Variants in PDE9A observed in about 807,000 individuals in gnomAD.
The protein encoded by PDE9A is high affinity cGMP-specific 3',5'-cyclic phosphodiesterase 9A.
In PDE9A, 60 loss-of-function variants were observed where a neutral mutation model predicts 87.4. That is an observed-to-expected ratio of 0.69 (90% CI 0.56 to 0.85). The LOEUF is 0.85. Ranked by LOEUF, PDE9A falls within the 40% of genes least tolerant of loss-of-function variation. The probability of loss-of-function intolerance (pLI) is 0.00; values close to 1 mark genes in which losing one functional copy is unlikely to be tolerated. For synonymous variants in PDE9A, 272 were observed against 279.4 expected, an observed-to-expected ratio of 0.97 and a Z score of 0.27; for missense variants, 665 against 779.0, an observed-to-expected ratio of 0.85 and a Z score of 1.74.
At chr21:42,742,118 G>C (rs1362999056) in intron 7 of PDE9A, among the ~76,000 whole-genome samples, 2 of 152,122 alleles carry the variant, frequency 1.3e-5, no homozygotes, top group South Asian at 4.1e-4. Flanking sequence ...ACGCTCGCTC[G>C]GAGGCATAAG....
intron 3 of PDE9A, among the ~76,000 whole-genome samples, chr21:42,698,426 C>T (rs551700185): frequency 3.3e-5 from 5 of 152,274 alleles, no homozygotes; most frequent in South Asian, 2.1e-4. Flanking sequence ...CGTGTGTCAG[C>T]GACAGAAACG....
intron 2 of PDE9A, among the ~76,000 whole-genome samples, chr21:42,687,701 C>T (rs978325680): frequency 5.9e-5 from 9 of 152,210 alleles, no homozygotes; most frequent in Non-Finnish European, 8.8e-5. Flanking sequence ...AGCATCTACA[C>T]GCACTTAGGA....
At chr21:42,753,194 C>G (rs796983997) in intron 9 of PDE9A, among the ~76,000 whole-genome samples, 1 of 151,988 alleles carries the variant, frequency 6.6e-6, no homozygotes, top group African/African-American at 2.4e-5. Flanking sequence ...TTTGTAGAGT[C>G]GGGATTCCAC....
At chr21:42,762,025 C>A (rs2269168) in intron 13 of PDE9A, 58 bp from the exon 14 acceptor site, 6 of 1,540,820 alleles carry the variant, frequency 3.9e-6, no homozygotes, top group South Asian at 2.4e-5. Context: ...GTTGCTCCCC[C>A]GTGCAGGTAC....
chr21:42,706,340 A>G (rs2048831488), intron 4 of PDE9A, among the ~76,000 whole-genome samples: 2 of 152,334 alleles, frequency 1.3e-5, no homozygotes, highest in Admixed American at 6.5e-5. Context: ...CATAAAGCCC[A>G]CCATTTTAAA....
intron 1 of PDE9A, among the ~76,000 whole-genome samples, chr21:42,681,428 G>A (rs2059158016): frequency 6.6e-6 from 1 of 152,230 alleles, no homozygotes; most frequent in Non-Finnish European, 1.5e-5. Flanking sequence ...TTCTGGCTGG[G>A]TGCGTGGGAG....
rs891491616 is a variant in PDE9A at position 42,743,967 on chromosome 21, T to C, written c.653+107T>C. ...TTGCCTAAAAGAAAGGCTGGTGCAG[T>C]TCGGTACAGTTCAGGCTTGGGAGAG... On this transcript the variant is annotated intron_variant, in intron 8 of 19. Coordinates refer to ENST00000291539, the MANE Select transcript of PDE9A (RefSeq NM_002606.3). 1.4e-5 allele frequency: 10 copies of C among 703,480 alleles called. No individual in the cohort carries two copies. In the African/African-American group the frequency reaches 1.6e-4, roughly 11 times the overall value. 43.6% of individuals were successfully genotyped at this position (703,480 alleles called of 1,614,324 possible).
At chr21:42,683,339 G>A (rs1407281773) in intron 1 of PDE9A, among the ~76,000 whole-genome samples, 1 of 152,232 alleles carries the variant, frequency 6.6e-6, no homozygotes, top group Non-Finnish European at 1.5e-5. Context: ...GGTGCTTACT[G>A]CGGTCCTTTT....
rs540776586 is a variant in PDE9A at position 42,670,265 on chromosome 21, A to G, written c.70-15927A>G. Reference sequence around the variant, plus strand: ...CTCATACACATACATACATTCACACACATATTCACACATTCACACATACAC... The same window carrying G: ...CTCATACACATACATACATTCACACGCATATTCACACATTCACACATACAC... On this transcript the variant is annotated intron_variant, in intron 1 of 19. Coordinates refer to ENST00000291539, the MANE Select transcript of PDE9A (RefSeq NM_002606.3). Among the ~76,000 whole-genome samples the G allele has an allele frequency of 4.6e-3, 679 of 146,760 alleles. 11 individuals carry two copies. Among genetic ancestry groups the G allele is most frequent in the African/African-American group, 0.017 (657 of 39,148 alleles).
intron 4 of PDE9A, among the ~76,000 whole-genome samples, chr21:42,701,991 T>C (rs1477190559): frequency 6.6e-6 from 1 of 152,186 alleles, no homozygotes; most frequent in Non-Finnish European, 1.5e-5. Context: ...TTTAACCTGC[T>C]TGGTGTTCAT....
intron 14 of PDE9A, 85 bp from the exon 15 acceptor site, chr21:42,765,296 G>A: frequency 2.9e-6 from 2 of 695,488 alleles, no homozygotes; most frequent in South Asian, 3.6e-5. Flanking sequence ...AATAATGTGT[G>A]CAGGGGGCTC....
At chr21:42,670,242 CAT>C (rs1491426835) in intron 1 of PDE9A, among the ~76,000 whole-genome samples, 24 of 121,210 alleles carry the variant, frequency 2.0e-4, no homozygotes, top group African/African-American at 7.0e-4. Context: ...CATTCACACT[CAT>C]ACACATACAT....
chr21:42,755,902 G>A (rs564583781), intron 10 of PDE9A, among the ~76,000 whole-genome samples: 5 of 152,354 alleles, frequency 3.3e-5, no homozygotes, highest in African/African-American at 1.2e-4. Context: ...ACTGGCACTC[G>A]CTGTCTTTTC....
Position 42,653,753 on chromosome 21 carries a change from C to T in PDE9A, c.-62C>T. ...CCTCCCCTGCTCCCCTCCCCCGCCT[C>T]CCGCGGCGGCTGGCGTCGGGAAAGT... On this transcript the variant is annotated 5_prime_UTR_variant, in exon 1 of 20. Transcript: ENST00000291539. 2 of 995,622 alleles carry T rather than the reference C, an allele frequency of 2.0e-6. No individual in the cohort carries two copies. Among genetic ancestry groups the T allele is most frequent in the South Asian group, 3.0e-5 (2 of 66,536 alleles). 61.7% of individuals were successfully genotyped at this position (995,622 alleles called of 1,614,324 possible).
At chr21:42,728,647 G>A (rs1266197870) in intron 4 of PDE9A, among the ~76,000 whole-genome samples, 3 of 152,072 alleles carry the variant, frequency 2.0e-5, no homozygotes, top group Non-Finnish European at 2.9e-5. Context: ...TTGGCATGTA[G>A]TTTTCTTTTT....
chr21:42,760,218 G>A lies in PDE9A; in HGVS notation c.898-110G>A, dbSNP rs757551762. ...AACACTGTTGACCTCTGGTTGGGAT[G>A]AGGGTTTGGCAGAGAATGTTCAAAC... On this transcript the variant is annotated intron_variant, in intron 11 of 19. Coordinates refer to ENST00000291539, the MANE Select transcript of PDE9A (RefSeq NM_002606.3). The surrounding 1 kb of genome is among the most constrained non-coding windows in gnomAD (Gnocchi z 5.2). The A allele has an allele frequency of 5.0e-4, 342 of 684,088 alleles. 3 individuals carry two copies. Among genetic ancestry groups the A allele is most frequent in the Middle Eastern group, 1.2e-3 (5 of 4,202 alleles). The allele number at this position is 684,088 out of a possible 1,614,324, so 42.4% of individuals were successfully genotyped here.
At chr21:42,684,775 C>T (rs982254476) in intron 1 of PDE9A, among the ~76,000 whole-genome samples, 6 of 152,172 alleles carry the variant, frequency 3.9e-5, no homozygotes, top group Non-Finnish European at 8.8e-5. Flanking sequence ...ACGTCAGGAA[C>T]CACGCAATGA....
At chr21:42,765,023 G>GGATGGA (rs1256479087) in intron 14 of PDE9A, among the ~76,000 whole-genome samples, 4 of 45,992 alleles carry the variant, frequency 8.7e-5, no homozygotes, top group Non-Finnish European at 1.4e-4. Flanking sequence ...GGATGGATGG[G>GGATGGA]TGGATGGGTG....
chr21:42,768,996 C>G, intron 16 of PDE9A, 31 bp from the exon 17 acceptor site: 3 of 1,589,410 alleles, frequency 1.9e-6, no homozygotes, highest in Non-Finnish European at 2.6e-6. Context: ...ATTTCTGTCT[C>G]TAATGTCACT....
Sources: allele counts gnomAD v4.1 joint callset (sites outside exome capture counted in the v4.1 genomes callset), GRCh38; gene constraint gnomAD v4.1.1; non-coding constraint Gnocchi (gnomAD v3.1); transcripts MANE v1.5; gene names NCBI Gene and HGNC (gene_info 2026-07-23, HGNC 2026-07-21).